The following ETV7 variants were observed in gnomAD, a reference collection of about 807,000 sequenced individuals.
ETV7 encodes the protein transcription factor ETV7.
In ETV7, 43 loss-of-function variants were observed where a neutral mutation model predicts 39.1. That is an observed-to-expected ratio of 1.10 (90% CI 0.86 to 1.42). ETV7 has a LOEUF of 1.42. Ranked by LOEUF, ETV7 falls within the 40% of genes most tolerant of loss-of-function variation. The probability of loss-of-function intolerance (pLI) is 0.00; values close to 1 mark genes in which losing one functional copy is unlikely to be tolerated. For synonymous variants in ETV7, 196 were observed against 176.6 expected (o/e 1.11, Z -0.87); for missense variants, 432 against 442.3 (o/e 0.98, Z 0.21).
chr6:36,370,048 T>C (rs1772934604), intron 5 of ETV7, among the ~76,000 whole-genome samples: 1 of 152,210 alleles, frequency 6.6e-6, no homozygotes. Flanking sequence ...AGGGCATCCA[T>C]CACCTCAAGT....
Position 36,375,864 on chromosome 6 carries a change from C to A in ETV7, c.307+7G>T. 6.2e-7 allele frequency: 1 copy of A among 1,613,984 alleles called. No homozygotes were observed. Among genetic ancestry groups the A allele is most frequent in the Non-Finnish European group, 8.5e-7 (1 of 1,180,038 alleles). On this transcript the variant is annotated splice_region_variant and intron_variant, in intron 3 of 7. Coordinates refer to ENST00000340181, the MANE Select transcript of ETV7 (RefSeq NM_016135.4). ...CGCTTAGAGGAAAGCCTGTGCGTTT[C>A]CCTGACCTGAGCTGGGCGCACGGTG...
intron 4 of ETV7, among the ~76,000 whole-genome samples, 193 bp downstream of exon 4, chr6:36,373,260 G>A (rs1329021423): frequency 6.6e-6 from 1 of 151,542 alleles, no homozygotes; most frequent in Non-Finnish European, 1.5e-5. Context: ...GAATGGGGAG[G>A]TGGGAGGCAT....
At chr6:36,365,706 C>T (rs1299350110), downstream of ETV7, among the ~76,000 whole-genome samples, 1 of 152,168 alleles carries the variant, frequency 6.6e-6, no homozygotes, top group African/African-American at 2.4e-5. Flanking sequence ...CATCCACATA[C>T]AGTCAGAGGT....
At chr6:36,385,856 GAC>G (rs1169958121) in intron 1 of ETV7, among the ~76,000 whole-genome samples, 187 bp from the exon 2 acceptor site, 1 of 152,156 alleles carries the variant, frequency 6.6e-6, no homozygotes, top group Non-Finnish European at 1.5e-5. Flanking sequence ...GTACCCAGTG[GAC>G]ACAATAAATG....
downstream of ETV7, among the ~76,000 whole-genome samples, chr6:36,364,683 T>G (rs1772655000): frequency 6.6e-6 from 1 of 152,116 alleles, no homozygotes; most frequent in African/African-American, 2.4e-5. Context: ...GCTCCCACAG[T>G]GCAGCGGTGG....
rs1383905050 is a variant in ETV7 at position 36,371,460 on chromosome 6, GC to G, written c.533del (p.Gly178AlafsTer95). ...CCTTGCCAGGGGTCCACCTTGCCAG[GC>G]CAGGGTCATCCAGGTGGCCGAAGTT... Reference protein sequence around the residue: ...TSNFGHLDDPGLARWTPGKEE... With the variant: ...TSNFGHLDDPXLARWTPGKEE... On this transcript the variant is annotated frameshift_variant, in exon 5 of 8. Coordinates refer to ENST00000340181, the MANE Select transcript of ETV7 (RefSeq NM_016135.4). LOFTEE classifies it high-confidence loss of function. 6.2e-7 allele frequency: 1 copy of G among 1,603,320 alleles called. No individual in the cohort carries two copies. Among genetic ancestry groups the G allele is most frequent in the African/African-American group, 1.3e-5 (1 of 74,990 alleles).
At chr6:36,375,519 A>G (rs781763247) in intron 3 of ETV7, among the ~76,000 whole-genome samples, 2 of 152,156 alleles carry the variant, frequency 1.3e-5, no homozygotes, top group Non-Finnish European at 2.9e-5. Context: ...TGAATATTTG[A>G]TCTTTCTCTA....
downstream of ETV7, among the ~76,000 whole-genome samples, chr6:36,366,040 G>T (rs1772700651): frequency 6.6e-6 from 1 of 152,156 alleles, no homozygotes; most frequent in Non-Finnish European, 1.5e-5. Flanking sequence ...CGGGTGTGGT[G>T]GTGGGCAGCT....
chr6:36,379,079 G>A (rs1211213742), intron 2 of ETV7, among the ~76,000 whole-genome samples: 1 of 152,248 alleles, frequency 6.6e-6, no homozygotes, highest in Non-Finnish European at 1.5e-5. Flanking sequence ...TGTAAAATGT[G>A]GAGGCCACAC....
chr6:36,369,189 G>T, intron 5 of ETV7, 118 bp from the exon 6 acceptor site: 2 of 1,159,864 alleles, frequency 1.7e-6, no homozygotes, highest in Non-Finnish European at 2.4e-6. Flanking sequence ...CAGCAGGAAG[G>T]TGAAAATGAT....
chr6:36,370,167 T>C (rs1582186025), intron 5 of ETV7, among the ~76,000 whole-genome samples: 1 of 152,050 alleles, frequency 6.6e-6, no homozygotes, highest in Non-Finnish European at 1.5e-5. Context: ...ATAAATGTGG[T>C]GTGGACATAA....
At chr6:36,360,645 C>T (rs2127381725) in intron 7 of ETV7, among the ~76,000 whole-genome samples, 1 of 152,270 alleles carries the variant, frequency 6.6e-6, no homozygotes. Flanking sequence ...CCGCCCGGCC[C>T]CACACTAACA....
In ETV7 at chr6:36,375,032, A is replaced by G. The variant is rs557451965; in HGVS notation, c.307+839T>C. On this transcript the variant is annotated intron_variant, in intron 3 of 7. Transcript: ENST00000340181. ...TGCAGTGAGCCAGGATCGCGCCACT[A>G]CACTCCAGCCTGGGCGACAAAGTGA... Among the ~76,000 whole-genome samples, 11 of 149,372 alleles carry G rather than the reference A, an allele frequency of 7.4e-5. No individual in the cohort carries two copies. The East Asian group carries it at 2.2e-3, about 29-fold the overall frequency.
At chr6:36,382,113 T>C (rs879036) in intron 2 of ETV7, among the ~76,000 whole-genome samples, 131,347 of 152,106 alleles carry the variant, frequency 0.86, 56,875 homozygotes, top group East Asian at 0.96. Flanking sequence ...ATCCATCTAA[T>C]CTCCTGCTTC....
At chr6:36,363,423 A>G (rs916824748), downstream of ETV7, among the ~76,000 whole-genome samples, 16 of 151,694 alleles carry the variant, frequency 1.1e-4, no homozygotes, top group African/African-American at 3.9e-4. Flanking sequence ...GAAGCTGCAG[A>G]CCTTCACGGT....
chr6:36,367,451 AGAAAGGAAGGAAGGAAGGAAGGC>A (rs1029781965), intron 6 of ETV7, among the ~76,000 whole-genome samples: 2 of 152,030 alleles, frequency 1.3e-5, no homozygotes, highest in African/African-American at 4.8e-5. Flanking sequence ...ACAAAAAGAA[AGAAAGGAAGGAAGGAAGGAAGGC>A]GAAAGGAAGG....
At chr6:36,368,091 C>T (rs1187128262) in intron 6 of ETV7, among the ~76,000 whole-genome samples, 1 of 152,168 alleles carries the variant, frequency 6.6e-6, no homozygotes, top group African/African-American at 2.4e-5. Context: ...AGCACATGGC[C>T]TGGGTTCAAC....
chr6:36,366,835 G>T (rs761585803), intron 7 of ETV7, 40 bp downstream of exon 7: 1 of 1,612,950 alleles, frequency 6.2e-7, no homozygotes, highest in South Asian at 1.1e-5. Context: ...CCCAACCCCA[G>T]TTCTGCTTCC....
intron 2 of ETV7, among the ~76,000 whole-genome samples, chr6:36,383,131 G>A (rs1039008141): frequency 2.0e-5 from 3 of 152,178 alleles, no homozygotes; most frequent in African/African-American, 7.2e-5. Flanking sequence ...AGTCTGCACT[G>A]CCAGCTGTCC....
Sources: allele counts gnomAD v4.1 joint callset (sites outside exome capture counted in the v4.1 genomes callset), GRCh38; gene constraint gnomAD v4.1.1; transcripts MANE v1.5; gene names NCBI Gene and HGNC (gene_info 2026-07-23, HGNC 2026-07-21).